Variants in XYLT1 observed in about 807,000 individuals in gnomAD.
The protein encoded by XYLT1 is xylosyltransferase 1.
A neutral mutation model predicts 91.3 loss-of-function variants in XYLT1; 36 were observed. That is an observed-to-expected ratio of 0.39 (90% CI 0.30 to 0.52). The LOEUF (loss-of-function observed/expected upper bound fraction) is 0.52, where lower values mean the gene tolerates loss of function less well. XYLT1 is among the 20% of genes least tolerant of loss of function. The pLI, the probability that XYLT1 is intolerant of heterozygous loss-of-function variation, is 0.68. For missense variants in XYLT1, 1,242 were observed against 1,284.5 expected (o/e 0.97, Z 0.51); for synonymous variants, 588 against 532.0 (o/e 1.11, Z -1.45).
At chr16:17,449,934 A>G (rs759697528) in intron 1 of XYLT1, among the ~76,000 whole-genome samples, 1 of 152,226 alleles carries the variant, frequency 6.6e-6, no homozygotes, top group Admixed American at 6.5e-5. Context: ...AGGAAACAAA[A>G]ATATTTACTG....
rs368005977 is a variant in XYLT1 at position 17,127,668 on chromosome 16, C to T, written c.2221G>A (p.Glu741Lys). The T allele has an allele frequency of 5.6e-6, 9 of 1,612,938 alleles. No individual in the cohort carries two copies. The highest frequency in any genetic ancestry group is 1.7e-5 in the Admixed American group (1 of 59,732). Residue 741 changes from glutamate (E) to lysine (K), a missense_variant and splice_region_variant, in exon 10 of 12, where the codon GAG becomes AAG. Glu to Lys is a moderately conservative substitution (Grantham distance 56). Transcript: ENST00000261381. ...PSDFGRLQFS[E>K]VGTDWDAKER... ...TGTGACAAGACCTGGCCTCTTACCT[C>T]GGAAAACTGAAGCCTCCCAAAGTCA...
chr16:17,306,611 A>G (rs1413374033), intron 2 of XYLT1, among the ~76,000 whole-genome samples: 1 of 151,868 alleles, frequency 6.6e-6, no homozygotes, highest in Non-Finnish European at 1.5e-5. Flanking sequence ...CAATTCCTCT[A>G]TACGTGTGTG....
chr16:17,354,035 C>T (rs766460264), intron 2 of XYLT1, among the ~76,000 whole-genome samples: 3 of 152,124 alleles, frequency 2.0e-5, no homozygotes, highest in Non-Finnish European at 4.4e-5. Flanking sequence ...CAGTTCTTGG[C>T]AAATGGTAAA....
chr16:17,295,132 G>A (rs905384393), intron 2 of XYLT1, among the ~76,000 whole-genome samples: 1 of 152,184 alleles, frequency 6.6e-6, no homozygotes, highest in Non-Finnish European at 1.5e-5. Flanking sequence ...GTGGGTAAGT[G>A]AGCATGCTGC....
intron 1 of XYLT1, among the ~76,000 whole-genome samples, chr16:17,437,295 A>G (rs2036470573): frequency 6.6e-6 from 1 of 152,190 alleles, no homozygotes; most frequent in Non-Finnish European, 1.5e-5. Flanking sequence ...CGTGTAGGGT[A>G]CAAGCTGCCG....
Position 17,461,580 on chromosome 16 carries a change from G to C in XYLT1, c.363+8854C>G, listed in dbSNP as rs994455918. On this transcript the variant is annotated intron_variant, in intron 1 of 11. Coordinates refer to ENST00000261381, the MANE Select transcript of XYLT1 (RefSeq NM_022166.4). ...GGATGGACAGATGGATGGATGAATGGACAGAGGATGGATGAATGGACGGAT... is the reference window on the plus strand; with the variant it reads ...GGATGGACAGATGGATGGATGAATGCACAGAGGATGGATGAATGGACGGAT... 4.0e-4 allele frequency among the ~76,000 whole-genome samples: 61 copies of C among 151,826 alleles called. 2 individuals are homozygous for C. Among genetic ancestry groups the C allele is most frequent in the Non-Finnish European group, 2.1e-4 (14 of 68,016 alleles).
chr16:17,305,417 CTTTT>C (rs35534038), intron 2 of XYLT1, among the ~76,000 whole-genome samples: 4 of 130,150 alleles, frequency 3.1e-5, no homozygotes, highest in Admixed American at 7.7e-5. Flanking sequence ...TCTTCTTCTT[CTTTT>C]TTTTTTTTTT....
intron 1 of XYLT1, among the ~76,000 whole-genome samples, chr16:17,373,197 G>A (rs1220365525): frequency 1.3e-5 from 2 of 152,170 alleles, no homozygotes; most frequent in Non-Finnish European, 2.9e-5. Context: ...CTGAAGGGCT[G>A]TTGTTGGAAT....
At chr16:17,235,438 G>A (rs2033232629) in intron 3 of XYLT1, among the ~76,000 whole-genome samples, 1 of 151,856 alleles carries the variant, frequency 6.6e-6, no homozygotes, top group South Asian at 2.1e-4. Context: ...TACAAATGGG[G>A]TTCAGAGAGG....
intron 2 of XYLT1, among the ~76,000 whole-genome samples, chr16:17,262,301 A>AC (rs2033734667): frequency 6.6e-6 from 1 of 152,162 alleles, no homozygotes; most frequent in African/African-American, 2.4e-5. Context: ...CTGTTCGCCC[A>AC]CCTTACAGAA....
chr16:17,287,687 C>G (rs2034162221), intron 2 of XYLT1, among the ~76,000 whole-genome samples: 1 of 152,178 alleles, frequency 6.6e-6, no homozygotes, highest in South Asian at 2.1e-4. Flanking sequence ...CTGTGTGGGG[C>G]TCCTGGAGAG....
chr16:17,213,018 T>C (rs1014460648), intron 3 of XYLT1, among the ~76,000 whole-genome samples: 9 of 152,232 alleles, frequency 5.9e-5, no homozygotes, highest in African/African-American at 2.2e-4. Flanking sequence ...ACAGACTTGA[T>C]ATGGTTTGGA....
In XYLT1 at chr16:17,146,579, A is replaced by G. The variant is rs185601454; in HGVS notation, c.1371-5210T>C. ...AAATTAGCAGAGAAGTGAAGAACAC[A>G]CATTCTGAAATGCACTTCCACTCCT... On this transcript the variant is annotated intron_variant, in intron 6 of 11. Coordinates refer to ENST00000261381, the MANE Select transcript of XYLT1 (RefSeq NM_022166.4). 1.1e-4 allele frequency among the ~76,000 whole-genome samples: 16 copies of G among 152,336 alleles called. No individual in the cohort carries two copies. In the East Asian group the frequency reaches 2.3e-3, roughly 22 times the overall value.
At chr16:17,123,804 GT>G (rs996296212) in intron 10 of XYLT1, among the ~76,000 whole-genome samples, 1 of 152,234 alleles carries the variant, frequency 6.6e-6, no homozygotes, top group African/African-American at 2.4e-5. Context: ...TAGTAGTATT[GT>G]TTTGGGAGCC....
chr16:17,354,496 C>T (rs1254081812), intron 2 of XYLT1, among the ~76,000 whole-genome samples: 5 of 152,132 alleles, frequency 3.3e-5, no homozygotes, highest in African/African-American at 9.7e-5. Flanking sequence ...CCTGCACAGC[C>T]GTGTTCTAAT....
intron 1 of XYLT1, among the ~76,000 whole-genome samples, chr16:17,371,429 T>C (rs1029789322): frequency 1.3e-5 from 2 of 152,206 alleles, no homozygotes; most frequent in African/African-American, 4.8e-5. Flanking sequence ...GTAGGATGTT[T>C]TCCTGACTGT....
chr16:17,403,242 G>T (rs1003224824), intron 1 of XYLT1, among the ~76,000 whole-genome samples: 1 of 152,116 alleles, frequency 6.6e-6, no homozygotes, highest in Non-Finnish European at 1.5e-5. Context: ...ATAGCCATTT[G>T]ACAGATGAGG....
At chr16:17,262,730 T>G (rs1367185774) in intron 2 of XYLT1, among the ~76,000 whole-genome samples, 1 of 152,008 alleles carries the variant, frequency 6.6e-6, no homozygotes, top group Admixed American at 6.5e-5. Flanking sequence ...CTGGTGGAGG[T>G]CATGCATCCC....
rs559107176 is a variant in XYLT1, at chr16:17,183,044, C to T, written c.1289+15168G>A. On this transcript the variant is annotated intron_variant, in intron 5 of 11. Transcript: ENST00000261381. ...CATCCTTGGGTGATCGGCTTTCCCT[C>T]CCTGGGGTCAACCACTTACACAACA... is the stretch of plus-strand genomic sequence containing the variant. 4.6e-5 allele frequency among the ~76,000 whole-genome samples: 7 copies of T among 152,326 alleles called. 1 individual carries two copies. The South Asian group carries it at 1.4e-3, about 32-fold the overall frequency.
Sources: gnomAD v4.1 joint callset for allele counts (sites outside exome capture counted in the v4.1 genomes callset) on GRCh38, gnomAD v4.1.1 for gene constraint, MANE v1.5 for transcripts, NCBI Gene and HGNC (gene_info 2026-07-23, HGNC 2026-07-21) for gene names.